CAPN13: variants seen among roughly 807,000 people sequenced by gnomAD.
The protein encoded by CAPN13 is calpain-13.
A neutral mutation model predicts 98.4 loss-of-function variants in CAPN13; 90 were observed. The ratio of observed to expected loss-of-function variants is 0.92; its 90% CI spans 0.77 to 1.09. The LOEUF is 1.09. Among genes scored for constraint, CAPN13 ranks in the 50% least tolerant of loss-of-function variants. The pLI, the probability that CAPN13 is intolerant of heterozygous loss-of-function variation, is 0.00. For synonymous variants in CAPN13, 330 were observed against 305.5 expected (o/e 1.08, Z -0.84); for missense variants, 887 against 841.3 (o/e 1.05, Z -0.67).
intron 22 of CAPN13, among the ~76,000 whole-genome samples, chr2:30,725,290 A>G (rs572947466): frequency 6.6e-5 from 10 of 152,356 alleles, no homozygotes; most frequent in African/African-American, 2.4e-4. Flanking sequence ...ATTGCCTGCA[A>G]TGTGACAACA....
chr2:30,785,041 A>T (rs915214732), intron 2 of CAPN13, among the ~76,000 whole-genome samples: 12 of 152,160 alleles, frequency 7.9e-5, no homozygotes, highest in Admixed American at 7.9e-4. Flanking sequence ...TTACTGTCCT[A>T]CTTGGAAAAT....
intron 1 of CAPN13, among the ~76,000 whole-genome samples, chr2:30,806,989 G>T (rs933273153): frequency 3.3e-5 from 5 of 152,128 alleles, no homozygotes; most frequent in Admixed American, 1.3e-4. Context: ...AGCCCTCAAG[G>T]TCACAACTTA....
intron 2 of CAPN13, among the ~76,000 whole-genome samples, chr2:30,786,651 G>A (rs1308601721): frequency 6.6e-6 from 1 of 152,204 alleles, no homozygotes; most frequent in Non-Finnish European, 1.5e-5. Context: ...ATAAAGCAGA[G>A]AGGAGAGGTG....
intron 1 of CAPN13, among the ~76,000 whole-genome samples, chr2:30,797,685 C>T (rs1674957085): frequency 6.6e-6 from 1 of 152,220 alleles, no homozygotes; most frequent in African/African-American, 2.4e-5. Flanking sequence ...GGTGGGCATA[C>T]CAGGCACCTG....
chr2:30,743,364 A>G lies in CAPN13; in HGVS notation c.1445+19T>C, dbSNP rs1671749874. 1 of 1,600,038 alleles carries G rather than the reference A, an allele frequency of 6.2e-7. No homozygotes were observed. Among genetic ancestry groups the G allele is most frequent in the African/African-American group, 1.3e-5 (1 of 74,630 alleles). ...AGTTAAGTAGAATAAAACATTTACAATCCCAGAGGGTTCTGTACCTGTCAC... is the reference window on the plus strand; with the variant it reads ...AGTTAAGTAGAATAAAACATTTACAGTCCCAGAGGGTTCTGTACCTGTCAC... On this transcript the variant is annotated intron_variant, in intron 13 of 22. Transcript: ENST00000295055.
At chr2:30,777,994 T>C (rs528319512) in intron 2 of CAPN13, among the ~76,000 whole-genome samples, 1 of 152,310 alleles carries the variant, frequency 6.6e-6, no homozygotes, top group South Asian at 2.1e-4. Flanking sequence ...AATACATTTA[T>C]TAGAGGAGAG....
chr2:30,762,398 A>G (rs957100716), intron 7 of CAPN13, among the ~76,000 whole-genome samples: 3 of 152,200 alleles, frequency 2.0e-5, no homozygotes, highest in African/African-American at 7.2e-5. Context: ...GCCCAGCTAG[A>G]CAGTGTATGT....
At chr2:30,778,969 G>A (rs1169634200) in intron 2 of CAPN13, among the ~76,000 whole-genome samples, 2 of 152,322 alleles carry the variant, frequency 1.3e-5, no homozygotes, top group African/African-American at 4.8e-5. Flanking sequence ...TCCAAGTAGA[G>A]CCAGTTTTAA....
intron 2 of CAPN13, among the ~76,000 whole-genome samples, chr2:30,781,001 A>G (rs1420059863): frequency 6.6e-6 from 1 of 152,248 alleles, no homozygotes; most frequent in African/African-American, 2.4e-5. Context: ...CTGAACTGCC[A>G]GCAATGGGCA....
Position 30,734,499 on chromosome 2 carries a change from C to T in CAPN13, c.1748G>A (p.Ser583Asn). 6.2e-7 allele frequency: 1 copy of T among 1,613,924 alleles called. No homozygotes were observed. The highest frequency in any genetic ancestry group is 8.5e-7 in the Non-Finnish European group (1 of 1,179,824). The change falls in exon 19 of 23, where the codon AGC becomes AAC. Residue 583 changes from serine (S) to asparagine (N), a missense_variant. Physicochemically the swap from Ser to Asn is conservative, Grantham distance 46. Transcript: ENST00000295055. ...YQHVFQKVQTSPGVLLSSDLW... is the reference protein window; with the variant it reads ...YQHVFQKVQTNPGVLLSSDLW... ...GTCCGAGCTCAGGAGGACTCCAGGG[C>T]TTGTCTGAACCTTCTGGAAAACATG...
intron 1 of CAPN13, among the ~76,000 whole-genome samples, chr2:30,796,609 G>C (rs529345474): frequency 1.3e-5 from 2 of 152,060 alleles, no homozygotes; most frequent in Non-Finnish European, 2.9e-5. Context: ...TAACCAAGCA[G>C]ATAGCAGAAT....
At chr2:30,755,679 T>C (rs1672407487) in intron 8 of CAPN13, among the ~76,000 whole-genome samples, 2 of 152,138 alleles carry the variant, frequency 1.3e-5, no homozygotes, top group Admixed American at 6.5e-5. Context: ...TGGATGAGCT[T>C]GCATGGGGAG....
intron 4 of CAPN13, among the ~76,000 whole-genome samples, chr2:30,772,992 A>AT (rs1319336045): frequency 2.0e-5 from 3 of 151,924 alleles, no homozygotes; most frequent in Non-Finnish European, 4.4e-5. Context: ...CGCCCAGTTA[A>AT]TTTTTGTATT....
At position 30,758,028 on chromosome 2, in the gene CAPN13, G is replaced by C. The variant is rs1207858210; in HGVS notation, c.866+18C>G. The C allele has an allele frequency of 6.3e-7, 1 of 1,585,140 alleles. No individual in the cohort carries two copies. ...AAGCGCTCTGTGAAGGATGGAGAGAGGTTTCCAGAAGCCATACCCATCACT... is the reference window on the plus strand; with the variant it reads ...AAGCGCTCTGTGAAGGATGGAGAGACGTTTCCAGAAGCCATACCCATCACT... On this transcript the variant is annotated intron_variant, in intron 8 of 22. Transcript: ENST00000295055.
intron 22 of CAPN13, among the ~76,000 whole-genome samples, chr2:30,727,309 A>G (rs1307194366): frequency 6.6e-6 from 1 of 152,232 alleles, no homozygotes; most frequent in Non-Finnish European, 1.5e-5. Context: ...AAAACAATAG[A>G]TAAATTAGAC....
At chr2:30,747,242 C>T (rs1384137113) in intron 11 of CAPN13, among the ~76,000 whole-genome samples, 5 of 152,206 alleles carry the variant, frequency 3.3e-5, no homozygotes, top group Non-Finnish European at 5.9e-5. Flanking sequence ...TCCTGCAAGC[C>T]GATGCTGGGC....
chr2:30,742,065 A>G, intron 14 of CAPN13, 101 bp from the exon 15 acceptor site: 2 of 1,153,206 alleles, frequency 1.7e-6, no homozygotes, highest in Non-Finnish European at 1.3e-6. Context: ...TCTGAGAAAG[A>G]GTCTTTATTG....
intron 22 of CAPN13, among the ~76,000 whole-genome samples, chr2:30,724,048 AATGCCT>A (rs1381194787): frequency 6.6e-6 from 1 of 152,126 alleles, no homozygotes; most frequent in Non-Finnish European, 1.5e-5. Context: ...GTCAATTTTA[AATGCCT>A]ATTGACTTCT....
intron 18 of CAPN13, among the ~76,000 whole-genome samples, chr2:30,736,222 CG>C (rs1572788202): frequency 1.4e-4 from 1 of 6,940 alleles, no homozygotes; most frequent in Non-Finnish European, 2.7e-4. Flanking sequence ...GATGCAGGGG[CG>C]GGGGTGGGGG....
Sources: gnomAD v4.1 joint callset for allele counts (sites outside exome capture counted in the v4.1 genomes callset) on GRCh38, gnomAD v4.1.1 for gene constraint, MANE v1.5 for transcripts, NCBI Gene and HGNC (gene_info 2026-07-23, HGNC 2026-07-21) for gene names.